SRGAP3: variants seen among roughly 807,000 people sequenced by gnomAD.
SRGAP3 encodes the protein SLIT-ROBO Rho GTPase activating protein 3.
SRGAP3 carries 39 observed loss-of-function variants against 121.1 expected under a neutral mutation model. The observed-to-expected ratio is 0.32, with a 90% CI of 0.25 to 0.42. The LOEUF is 0.42. SRGAP3 is among the 10% of genes least tolerant of loss of function. SRGAP3 has a pLI of 1.00. For missense variants in SRGAP3, 1,213 were observed against 1,470.6 expected (o/e 0.82, Z 2.86); for synonymous variants, 601 against 570.0 (o/e 1.05, Z -0.77).
chr3:9,123,252 G>C (rs1323379662), intron 2 of SRGAP3, among the ~76,000 whole-genome samples: 1 of 152,138 alleles, frequency 6.6e-6, no homozygotes, highest in East Asian at 1.9e-4. Flanking sequence ...AAAAGCACTG[G>C]AGTTGGATGG....
chr3:9,285,843 C>T (rs1954757814), intron 3 of SRGAP3, among the ~76,000 whole-genome samples: 1 of 151,888 alleles, frequency 6.6e-6, no homozygotes, highest in African/African-American at 2.4e-5. Flanking sequence ...TGCAATAGCT[C>T]ACTCCTGTAA....
chr3:9,176,893 G>A (rs879613596), intron 1 of SRGAP3, among the ~76,000 whole-genome samples: 1 of 152,196 alleles, frequency 6.6e-6, no homozygotes, highest in African/African-American at 2.4e-5. Flanking sequence ...TTCAACATGA[G>A]ATTTGGGCAG....
chr3:9,297,199 T>G (rs556482892), intron 3 of SRGAP3, among the ~76,000 whole-genome samples: 21 of 152,256 alleles, frequency 1.4e-4, no homozygotes, highest in Non-Finnish European at 2.4e-4. Context: ...ACAGAACACA[T>G]AACTGGAATC....
chr3:9,026,835 G>A lies in SRGAP3; in HGVS notation c.1600+100C>T, dbSNP rs375239483. ...TCCCCCTCCAAAGCAGAGCTGTGACGGGAAGTCTTCCAGGACAAATTAGAA... is the reference window on the plus strand; with the variant it reads ...TCCCCCTCCAAAGCAGAGCTGTGACAGGAAGTCTTCCAGGACAAATTAGAA... On this transcript the variant is annotated intron_variant, in intron 13 of 21. Coordinates refer to ENST00000383836, the MANE Select transcript of SRGAP3 (RefSeq NM_014850.4). 1.5e-4 allele frequency: 195 copies of A among 1,328,048 alleles called. 2 individuals are homozygous for A. Among genetic ancestry groups the A allele is most frequent in the East Asian group, 9.2e-4 (40 of 43,548 alleles). The allele number at this position is 1,328,048 out of a possible 1,614,324, so 82.3% of individuals were successfully genotyped here.
chr3:9,030,134 A>G (rs1944406305), intron 12 of SRGAP3, among the ~76,000 whole-genome samples: 2 of 152,002 alleles, frequency 1.3e-5, no homozygotes, highest in African/African-American at 4.8e-5. Context: ...CCTGGGCGAC[A>G]CAGCAAGACT....
chr3:9,340,176 G>A lies in SRGAP3; in HGVS notation n.215-9580C>T, dbSNP rs186159390. ...AGCACTTTCAGGTGATATTTCCCAA[G>A]GTGATATTCACTGCTTCTACTGCTT... On this transcript the variant is annotated intron_variant and non_coding_transcript_variant, in intron 1 of 3. Transcript: ENST00000490889. Among the ~76,000 whole-genome samples the A allele has an allele frequency of 1.4e-4, 22 of 152,222 alleles. No homozygotes were observed. The East Asian group carries it at 4.1e-3, about 28-fold the overall frequency.
chr3:9,154,856 T>C (rs1950350638), intron 1 of SRGAP3, among the ~76,000 whole-genome samples: 1 of 150,310 alleles, frequency 6.7e-6, no homozygotes. Context: ...AACTGCCCTC[T>C]CTAGAACTTT....
intron 5 of SRGAP3, among the ~76,000 whole-genome samples, chr3:9,060,901 G>C (rs1463873362): frequency 6.6e-6 from 1 of 152,186 alleles, no homozygotes. Flanking sequence ...GAGGACACTA[G>C]ATGAGCAGCA....
At chr3:9,349,180 G>A (rs2029926141) in intron 1 of SRGAP3, 3 of 722,246 alleles carry the variant, frequency 4.2e-6, no homozygotes, top group Non-Finnish European at 2.6e-6. Context: ...CCCAGGGTAA[G>A]GCCAAGAAGT....
At chr3:9,029,299 T>G (rs537084408) in intron 12 of SRGAP3, among the ~76,000 whole-genome samples, 8 of 152,320 alleles carry the variant, frequency 5.3e-5, no homozygotes, top group Non-Finnish European at 8.8e-5. Flanking sequence ...TCATGCTTAT[T>G]TTACAGAAAC....
In SRGAP3 at chr3:9,060,233, C is replaced by G. The variant is rs746493279; in HGVS notation, c.799G>C (p.Asp267His). 1.2e-6 allele frequency: 2 copies of G among 1,613,822 alleles called. No individual in the cohort carries two copies. Among genetic ancestry groups the G allele is most frequent in the African/African-American group, 1.3e-5 (1 of 74,892 alleles). Residue 267 changes from aspartate to histidine, a missense_variant and splice_region_variant, in exon 6 of 22, where the codon GAT becomes CAT. Asp to His is a moderately conservative substitution (Grantham distance 81). Transcript: ENST00000383836. Reference sequence around the variant, plus strand: ...CCCAGACTCCCCAGGGAGCTCACATCGATCAGATCAGAGACATCATGGATG... The same window carrying G: ...CCCAGACTCCCCAGGGAGCTCACATGGATCAGATCAGAGACATCATGGATG... ...YYIHDVSDLI[D>H]CCDLGFHASL...
intron 3 of SRGAP3, among the ~76,000 whole-genome samples, chr3:9,267,798 A>G (rs1166927080): frequency 1.3e-5 from 2 of 152,130 alleles, no homozygotes; most frequent in Non-Finnish European, 2.9e-5. Context: ...AGTATCAGGT[A>G]CCCTAAAAAT....
chr3:9,142,575 C>G (rs914885240), intron 1 of SRGAP3, among the ~76,000 whole-genome samples: 3 of 152,178 alleles, frequency 2.0e-5, no homozygotes, highest in Non-Finnish European at 4.4e-5. Flanking sequence ...AAAAACACCT[C>G]ATGTTTATTA....
intron 10 of SRGAP3, among the ~76,000 whole-genome samples, chr3:9,043,326 T>C (rs930813179): frequency 2.0e-5 from 3 of 152,110 alleles, no homozygotes; most frequent in African/African-American, 7.2e-5. Context: ...TCAATTATCA[T>C]TGTTTACTTA....
chr3:9,154,282 T>C (rs1345669492), intron 1 of SRGAP3, among the ~76,000 whole-genome samples: 1 of 151,994 alleles, frequency 6.6e-6, no homozygotes, highest in East Asian at 1.9e-4. Context: ...CCAAACAGTG[T>C]TCATTTCTTC....
At chr3:9,124,590 C>T in intron 2 of SRGAP3, 135 bp downstream of exon 2, 6 of 1,134,768 alleles carry the variant, frequency 5.3e-6, no homozygotes, top group Non-Finnish European at 7.7e-6. Context: ...TGTAAGTAAC[C>T]TGCAGAGCCA....
At chr3:9,182,660 G>T (rs901456332) in intron 1 of SRGAP3, among the ~76,000 whole-genome samples, 1 of 151,964 alleles carries the variant, frequency 6.6e-6, no homozygotes, top group Non-Finnish European at 1.5e-5. Flanking sequence ...TTATTTATTT[G>T]TTTGTTTTAT....
At chr3:8,997,975 AG>A (rs141389747) in intron 18 of SRGAP3, among the ~76,000 whole-genome samples, 3,364 of 152,014 alleles carry the variant, frequency 0.022, 116 homozygotes, top group African/African-American at 0.075. Context: ...GAACCTCCTG[AG>A]GATCAAGCAA....
chr3:9,235,357 A>G (rs1028450095), intron 1 of SRGAP3, among the ~76,000 whole-genome samples: 3 of 152,172 alleles, frequency 2.0e-5, no homozygotes, highest in Non-Finnish European at 4.4e-5. Flanking sequence ...AAGGAAATAC[A>G]TTGAATGTTT....
Sources: gnomAD v4.1 joint callset for allele counts (sites outside exome capture counted in the v4.1 genomes callset) on GRCh38, gnomAD v4.1.1 for gene constraint, MANE v1.5 for transcripts, NCBI Gene and HGNC (gene_info 2026-07-23, HGNC 2026-07-21) for gene names.